PDCD2: variants seen among roughly 807,000 people sequenced by gnomAD.
The protein encoded by PDCD2 is programmed cell death 2, also known as uS5 assembly chaperone PDCD2.
PDCD2 carries 38 observed loss-of-function variants against 38.1 expected under a neutral mutation model. That is an observed-to-expected ratio of 1.00 (90% CI 0.77 to 1.31). The LOEUF is 1.31. Among genes scored for constraint, PDCD2 ranks in the 50% most tolerant of loss-of-function variants. The probability of loss-of-function intolerance (pLI) is 0.00; values close to 1 mark genes in which losing one functional copy is unlikely to be tolerated. For missense variants in PDCD2, 473 were observed against 435.7 expected (o/e 1.09, Z -0.76); for synonymous variants, 205 against 168.9 (o/e 1.21, Z -1.66).
chr6:170,584,303 C>T lies in PDCD2; in HGVS notation c.279G>A (p.Leu93=). 1 of 1,453,596 alleles carries T rather than the reference C, an allele frequency of 6.9e-7. No homozygotes were observed. The highest frequency in any genetic ancestry group is 9.0e-7 in the Non-Finnish European group (1 of 1,109,242). The allele number at this position is 1,453,596 out of a possible 1,614,324, so 90.0% of individuals were successfully genotyped here. A position where few individuals can be genotyped will look rare whatever the true frequency, so the allele number is the denominator to read the frequency against. ...CGACCCCGTTTGGCGGCTCACCTCG[C>T]AGGCCGGCACAGCACGGCTGCTCGC... ...CCREQPCCAG[L]RVFRNQLPRK... Residue 93 remains leucine (L), a synonymous_variant, in exon 1 of 6, where the codon CTG becomes CTA. Coordinates refer to ENST00000541970, the MANE Select transcript of PDCD2 (RefSeq NM_002598.4).
chr6:170,582,844 AC>A (rs1354612027), intron 3 of PDCD2: 6 of 1,356,482 alleles, frequency 4.4e-6, no homozygotes, highest in Non-Finnish European at 5.7e-6. Context: ...CTGGATACCC[AC>A]CCTTGTCTTT....
rs151259099 is a variant in PDCD2, at chr6:170,580,732, T to C, written c.659-627A>G. Among the ~76,000 whole-genome samples, 8 of 152,128 alleles carry C rather than the reference T, an allele frequency of 5.3e-5. 1 individual carries two copies. The highest frequency in any genetic ancestry group is 1.9e-4 in the African/African-American group (8 of 41,512). On this transcript the variant is annotated intron_variant, in intron 3 of 5. Coordinates refer to ENST00000541970, the MANE Select transcript of PDCD2 (RefSeq NM_002598.4). Reference sequence around the variant, plus strand: ...TCCGTCTCAAAAAAAAAAATGTTCATTTCCTTCTCCACATTCCTTCCTGGG... The same window carrying C: ...TCCGTCTCAAAAAAAAAAATGTTCACTTCCTTCTCCACATTCCTTCCTGGG...
intron 3 of PDCD2, chr6:170,582,666 A>C: frequency 3.3e-6 from 4 of 1,208,920 alleles, no homozygotes; most frequent in Non-Finnish European, 4.1e-6. Flanking sequence ...AACTGACAAA[A>C]TTGTGTATCT....
At position 170,584,616 on chromosome 6, in the gene PDCD2, G is replaced by T; in HGVS notation, c.-35C>A. ...GGGCTGGCGTGGGGCGCAGCCCACA[G>T]CTGGGTCGGAAGGCGGAAATCGGGC... On this transcript the variant is annotated 5_prime_UTR_variant, in exon 1 of 6. In the 5' UTR this introduces an upstream ATG that the reference lacks. Coordinates refer to ENST00000541970, the MANE Select transcript of PDCD2 (RefSeq NM_002598.4). 1 of 1,191,672 alleles carries T rather than the reference G, an allele frequency of 8.4e-7. No individual in the cohort carries two copies. The highest frequency in any genetic ancestry group is 1.1e-6 in the Non-Finnish European group (1 of 944,496). The allele number at this position is 1,191,672 out of a possible 1,614,324, so 73.8% of individuals were successfully genotyped here.
rs1324356203 is a variant in PDCD2, at chr6:170,578,941, G to A, written c.792C>T (p.Pro264=). 6.2e-7 allele frequency: 1 copy of A among 1,603,124 alleles called. No homozygotes were observed. Among genetic ancestry groups the A allele is most frequent in the Admixed American group, 1.7e-5 (1 of 57,498 alleles). The change falls in exon 5 of 6, where the codon CCC becomes CCT. Residue 264 remains proline, a synonymous_variant. Transcript: ENST00000541970. Reference sequence around the variant, plus strand: ...GAATATTTTCACCAGAAATCCAGATGGGGGCAATACCTCTGCCATATCTAA... The same window carrying A: ...GAATATTTTCACCAGAAATCCAGATAGGGGCAATACCTCTGCCATATCTAA... ...QILRYGRGIA[P]IWISGENIPQ... is the part of the protein sequence containing the mutation.
At position 170,583,661 on chromosome 6, in the gene PDCD2, C is replaced by A. The variant is rs929231855; in HGVS notation, c.370G>T (p.Val124Leu). The A allele has an allele frequency of 6.2e-7, 1 of 1,614,062 alleles. No homozygotes were observed. The highest frequency in any genetic ancestry group is 1.7e-5 in the Admixed American group (1 of 60,018). The change falls in exon 2 of 6, where the codon GTG (valine) becomes TTG (leucine). Residue 124 changes from valine to leucine, a missense_variant. Physicochemically the swap from Val to Leu is conservative, Grantham distance 32. Transcript: ENST00000541970. ...ENPPPETGES[V>L]CLQLKSGAHL... is the part of the protein sequence containing the mutation. ...GCACCAGACTTAAGCTGGAGACACA[C>A]TGATTCTCCTGTTTCTGGGGGAGGA... is the stretch of plus-strand genomic sequence containing the variant.
chr6:170,583,266 T>A (rs1366825917), intron 2 of PDCD2, 78 bp from the exon 3 acceptor site: 2 of 1,058,038 alleles, frequency 1.9e-6, no homozygotes. Context: ...TCTAAAGTAC[T>A]ATATTCCCTA....
At chr6:170,582,268 G>A in intron 3 of PDCD2, 1 of 1,484,816 alleles carries the variant, frequency 6.7e-7, no homozygotes, top group Non-Finnish European at 9.1e-7. Flanking sequence ...TTATATCCCT[G>A]TTATCAAGCA....
chr6:170,579,804 T>TTA (rs1334481116), intron 4 of PDCD2, 198 bp downstream of exon 4: 14 of 492,924 alleles, frequency 2.8e-5, no homozygotes, highest in African/African-American at 4.6e-5. Context: ...TTAGTAACTA[T>TTA]TAAATGGATC....
chr6:170,584,175 G>T, intron 1 of PDCD2, 124 bp downstream of exon 1: 1 of 1,081,630 alleles, frequency 9.2e-7, no homozygotes, highest in Non-Finnish European at 1.2e-6. Context: ...GGGGCAGCGC[G>T]GAGAGGGAGC....
chr6:170,583,589 T>C lies in PDCD2; in HGVS notation c.442A>G (p.Arg148Gly). 6.2e-7 allele frequency: 1 copy of C among 1,613,946 alleles called. No homozygotes were observed. Among genetic ancestry groups the C allele is most frequent in the Non-Finnish European group, 8.5e-7 (1 of 1,179,866 alleles). Reference protein sequence around the residue: ...CGCLGPKTCSRCHKAYYCSKE... With the variant: ...CGCLGPKTCSGCHKAYYCSKE... ...CTGCAGTAATATGCTTTGTGGCATC[T>C]GGAGCACGTTTTGGGGCCTAAACAG... is the stretch of plus-strand genomic sequence containing the variant. Residue 148 changes from arginine (R) to glycine (G), a missense_variant, in exon 2 of 6, where the codon AGA becomes GGA. Arg to Gly is a moderately radical substitution (Grantham distance 125). Coordinates refer to ENST00000541970, the MANE Select transcript of PDCD2 (RefSeq NM_002598.4).
Position 170,575,464 on chromosome 6 carries a change from G to T in PDCD2, c.*2095C>A, listed in dbSNP as rs1779430441. The T allele has an allele frequency of 6.6e-6, 1 of 152,166 alleles. No homozygotes were observed. 9.4% of individuals were successfully genotyped at this position (152,166 alleles called of 1,614,324 possible). ...ACCAAGCAGATCTTAAAACTTTGTA[G>T]GTGTTGAGAAATGGTGGATGCATGG... On this transcript the variant is annotated 3_prime_UTR_variant, in exon 6 of 6. Coordinates refer to ENST00000541970, the MANE Select transcript of PDCD2 (RefSeq NM_002598.4).
chr6:170,582,691 G>A, intron 3 of PDCD2: 1 of 1,209,248 alleles, frequency 8.3e-7, no homozygotes, highest in Non-Finnish European at 1.0e-6. Flanking sequence ...CTGGCCAGAT[G>A]AAAGAGAAAC....
chr6:170,578,828 C>T (rs1779517826), intron 5 of PDCD2, 29 bp downstream of exon 5: 1 of 1,301,102 alleles, frequency 7.7e-7, no homozygotes, highest in Non-Finnish European at 1.1e-6. Flanking sequence ...GGTGATTACA[C>T]ACTAAATGGT....
rs539613984 is a variant in PDCD2, at chr6:170,584,597, G to A, written c.-16C>T. 2.4e-6 allele frequency: 3 copies of A among 1,246,062 alleles called. No individual in the cohort carries two copies. In the African/African-American group the frequency reaches 4.7e-5, roughly 19 times the overall value. The allele number at this position is 1,246,062 out of a possible 1,614,324, so 77.2% of individuals were successfully genotyped here. A position where few individuals can be genotyped will look rare whatever the true frequency, so the allele number is the denominator to read the frequency against. On this transcript the variant is annotated 5_prime_UTR_variant, in exon 1 of 6. Coordinates refer to ENST00000541970, the MANE Select transcript of PDCD2 (RefSeq NM_002598.4). The stretch of plus-strand genomic sequence containing the variant: ...CGGCAGCCATGCGGGGCGCGGGCTG[G>A]CGTGGGGCGCAGCCCACAGCTGGGT...
At chr6:170,580,367 T>G (rs924443846) in intron 3 of PDCD2, among the ~76,000 whole-genome samples, 1 of 152,206 alleles carries the variant, frequency 6.6e-6, no homozygotes, top group South Asian at 2.1e-4. Context: ...CCAACAAATG[T>G]GAGCCCTTAT....
chr6:170,580,197 T>C (rs1018673124), intron 3 of PDCD2, 92 bp from the exon 4 acceptor site: 2 of 688,238 alleles, frequency 2.9e-6, no homozygotes, highest in South Asian at 1.7e-5. Flanking sequence ...TTTAATCAGA[T>C]AGCTTTCCCT....
chr6:170,579,954 A>C (rs746950690), intron 4 of PDCD2, 48 bp downstream of exon 4: 3 of 948,174 alleles, frequency 3.2e-6, no homozygotes, highest in South Asian at 2.6e-5. Context: ...ATACTCATAA[A>C]ACATGGCCTG....
Position 170,577,305 on chromosome 6 carries a change from T to A in PDCD2, c.*254A>T, listed in dbSNP as rs1779471883. Reference sequence around the variant, plus strand: ...AGGATCATACCATGAATACCACCTATAATGGTATGTCTGTTGTCAATATAG... The same window carrying A: ...AGGATCATACCATGAATACCACCTAAAATGGTATGTCTGTTGTCAATATAG... On this transcript the variant is annotated 3_prime_UTR_variant, in exon 6 of 6. Transcript: ENST00000541970. The A allele has an allele frequency of 2.7e-6, 1 of 376,236 alleles. No individual in the cohort carries two copies. Among genetic ancestry groups the A allele is most frequent in the South Asian group, 4.4e-5 (1 of 22,952 alleles). The allele number at this position is 376,236 out of a possible 1,614,324, so 23.3% of individuals were successfully genotyped here.
Sources: allele counts gnomAD v4.1 joint callset (sites outside exome capture counted in the v4.1 genomes callset), GRCh38; gene constraint gnomAD v4.1.1; transcripts MANE v1.5; gene names NCBI Gene and HGNC (gene_info 2026-07-23, HGNC 2026-07-21).